The following ZNF831 variants were observed in gnomAD, a reference collection of about 807,000 sequenced individuals.
The protein encoded by ZNF831 is chromosome 20 open reading frame 174.
ZNF831 carries 59 observed loss-of-function variants against 95.8 expected under a neutral mutation model. The ratio of observed to expected loss-of-function variants is 0.62; its 90% CI spans 0.50 to 0.77. The LOEUF is 0.77. ZNF831 is among the 30% of genes least tolerant of loss of function. ZNF831 has a pLI of 0.00. For missense variants in ZNF831, 2,205 were observed against 2,164.0 expected, an observed-to-expected ratio of 1.02 and a Z score of -0.38; for synonymous variants, 961 against 925.5, an observed-to-expected ratio of 1.04 and a Z score of -0.70.
intron 3 of ZNF831, among the ~76,000 whole-genome samples, 180 bp downstream of exon 3, chr20:59,196,185 G>T (rs939297294): frequency 3.9e-5 from 6 of 152,134 alleles, no homozygotes; most frequent in Non-Finnish European, 8.8e-5. Flanking sequence ...TGTATTTTTT[G>T]ATGGCACCTT....
chr20:59,127,663 AC>A (rs1387603928), intron 1 of ZNF831, among the ~76,000 whole-genome samples: 1 of 152,132 alleles, frequency 6.6e-6, no homozygotes, highest in Non-Finnish European at 1.5e-5. Context: ...TGGTTTTGCC[AC>A]CTTGCCTGTG....
At chr20:59,176,042 G>A (rs2146506193) in intron 1 of ZNF831, among the ~76,000 whole-genome samples, 1 of 152,344 alleles carries the variant, frequency 6.6e-6, no homozygotes, top group South Asian at 2.1e-4. Context: ...TTCCCTGTCT[G>A]GAAGAGCTAG....
At chr20:59,127,775 G>A (rs1364091098) in intron 1 of ZNF831, among the ~76,000 whole-genome samples, 2 of 152,222 alleles carry the variant, frequency 1.3e-5, no homozygotes, top group Non-Finnish European at 2.9e-5. Flanking sequence ...TCCACCCCCA[G>A]GAAGCATTTC....
At chr20:59,229,581 AG>A (rs1986617131) in intron 4 of ZNF831, among the ~76,000 whole-genome samples, 1 of 152,210 alleles carries the variant, frequency 6.6e-6, no homozygotes. Context: ...GTAGCAATTT[AG>A]AACACATTTG....
chr20:59,127,769 C>G (rs1003021309), intron 1 of ZNF831, among the ~76,000 whole-genome samples: 24 of 152,356 alleles, frequency 1.6e-4, no homozygotes, highest in African/African-American at 5.5e-4. Flanking sequence ...GCACCCTCCA[C>G]CCCCAGGAAG....
intron 2 of ZNF831, among the ~76,000 whole-genome samples, chr20:59,151,509 A>G (rs768328347): frequency 2.4e-4 from 36 of 152,198 alleles, no homozygotes; most frequent in Non-Finnish European, 7.3e-5. Context: ...CTGACTTGAC[A>G]GATGAAAACC....
chr20:59,218,410 A>G (rs1178871975), intron 4 of ZNF831, among the ~76,000 whole-genome samples: 1 of 152,180 alleles, frequency 6.6e-6, no homozygotes, highest in Non-Finnish European at 1.5e-5. Flanking sequence ...GGTGTGAGGA[A>G]AAGAGGCTTG....
At chr20:59,209,284 A>C (rs1483683675) in intron 4 of ZNF831, among the ~76,000 whole-genome samples, 1 of 152,244 alleles carries the variant, frequency 6.6e-6, no homozygotes, top group Non-Finnish European at 1.5e-5. Context: ...GTTAGCACAT[A>C]CTGAGTGCCC....
chr20:59,145,972 G>A (rs1201386140), intron 1 of ZNF831, among the ~76,000 whole-genome samples: 1 of 152,118 alleles, frequency 6.6e-6, no homozygotes, highest in East Asian at 1.9e-4. Context: ...GGATGGTTTT[G>A]TTTTTTTATC....
At position 59,242,599 on chromosome 20, in the gene ZNF831, T is replaced by C. The variant is rs1046938568; in HGVS notation, c.4028-10379T>C. On this transcript the variant is annotated intron_variant, in intron 4 of 5. Coordinates refer to ENST00000371030, the MANE Select transcript of ZNF831 (RefSeq NM_178457.3). ...ATGGGAAATCTTAAATTGATTACCT[T>C]TTATCAAAGAAATAAGAGAAATGAG... Among the ~76,000 whole-genome samples, 5 of 152,174 alleles carry C rather than the reference T, an allele frequency of 3.3e-5. No homozygotes were observed. In the East Asian group the frequency reaches 9.6e-4, roughly 29 times the overall value.
At chr20:59,163,792 G>A (rs547562561), upstream of ZNF831, among the ~76,000 whole-genome samples, 1 of 151,050 alleles carries the variant, frequency 6.6e-6, no homozygotes, top group South Asian at 2.1e-4. Flanking sequence ...GTAATGTATA[G>A]GAAATAATTT....
In ZNF831 at chr20:59,200,778, A is replaced by G. The variant is rs543963340; in HGVS notation, c.3875+4773A>G. On this transcript the variant is annotated intron_variant, in intron 3 of 5. Coordinates refer to ENST00000371030, the MANE Select transcript of ZNF831 (RefSeq NM_178457.3). ...CTGGCTTTATTCACTCAGTATTACT[A>G]TTTTGAGGTTCATCCATGTTGTGTT... is the stretch of plus-strand genomic sequence containing the variant. Among the ~76,000 whole-genome samples the G allele has an allele frequency of 3.2e-4, 49 of 151,810 alleles. 1 individual carries two copies. The highest frequency in any genetic ancestry group is 1.2e-3 in the African/African-American group (48 of 41,410).
At chr20:59,129,054 G>T (rs1327279504) in intron 1 of ZNF831, among the ~76,000 whole-genome samples, 2 of 152,164 alleles carry the variant, frequency 1.3e-5, no homozygotes, top group African/African-American at 4.8e-5. Context: ...ATGAGCCACC[G>T]TGCCTGGCCT....
chr20:59,171,918 A>G (rs112247594), intron 1 of ZNF831, among the ~76,000 whole-genome samples: 2,381 of 152,278 alleles, frequency 0.016, 64 homozygotes, highest in African/African-American at 0.054. Flanking sequence ...ATGAGTATGT[A>G]CTTTTCTCCC....
intron 2 of ZNF831, among the ~76,000 whole-genome samples, chr20:59,149,657 C>T (rs1980105457): frequency 6.6e-6 from 1 of 152,238 alleles, no homozygotes; most frequent in Non-Finnish European, 1.5e-5. Flanking sequence ...AGAGAGGCTG[C>T]AGAGCCCCTG....
At chr20:59,227,888 T>C (rs1197463454) in intron 4 of ZNF831, among the ~76,000 whole-genome samples, 2 of 152,128 alleles carry the variant, frequency 1.3e-5, no homozygotes, top group South Asian at 2.1e-4. Flanking sequence ...TTAAGTGACT[T>C]TACTGGAGGT....
chr20:59,145,759 A>G (rs1384665214), intron 1 of ZNF831, among the ~76,000 whole-genome samples: 1 of 152,198 alleles, frequency 6.6e-6, no homozygotes, highest in Non-Finnish European at 1.5e-5. Context: ...GACATTCCCA[A>G]AGCTGGGGGA....
intron 4 of ZNF831, among the ~76,000 whole-genome samples, chr20:59,236,873 C>T (rs957392064): frequency 3.0e-4 from 45 of 152,044 alleles, no homozygotes; most frequent in Non-Finnish European, 6.3e-4. Context: ...AAGATTTTCC[C>T]CCCGTTTTTT....
intron 1 of ZNF831, among the ~76,000 whole-genome samples, chr20:59,144,516 A>G (rs566234213): frequency 6.6e-5 from 10 of 152,130 alleles, no homozygotes; most frequent in African/African-American, 2.2e-4. Context: ...ACATTACCCA[A>G]TGTCCCCAGA....
Sources: gnomAD v4.1 joint callset for allele counts (sites outside exome capture counted in the v4.1 genomes callset) on GRCh38, gnomAD v4.1.1 for gene constraint, MANE v1.5 for transcripts, NCBI Gene and HGNC (gene_info 2026-07-23, HGNC 2026-07-21) for gene names.